LRP2BP: variants seen among roughly 807,000 people sequenced by gnomAD.
LRP2BP encodes LRP2 binding protein.
Under a neutral mutation model 45.2 loss-of-function variants are expected in LRP2BP, and 38 were observed. The observed-to-expected ratio is 0.84, with a 90% CI of 0.65 to 1.10. LRP2BP has a LOEUF of 1.10. Ranked by LOEUF, LRP2BP falls within the 50% of genes least tolerant of loss-of-function variation. The probability of loss-of-function intolerance (pLI) is 0.00; values close to 1 mark genes in which losing one functional copy is unlikely to be tolerated. For missense variants in LRP2BP, 385 were observed against 418.9 expected, an observed-to-expected ratio of 0.92 and a Z score of 0.71; for synonymous variants, 153 against 153.9, an observed-to-expected ratio of 0.99 and a Z score of 0.04.
chr4:185,370,841 G>C, intron 7 of LRP2BP, 27 bp from the exon 8 acceptor site: 1 of 1,611,902 alleles, frequency 6.2e-7, no homozygotes, highest in Middle Eastern at 1.7e-4. Context: ...TTGTGAAATG[G>C]AAAAGACATC....
upstream of LRP2BP, chr4:185,396,597 A>T (rs1436112425): frequency 9.3e-5 from 32 of 342,292 alleles, no homozygotes; most frequent in East Asian, 1.9e-3. Context: ...CCGAGGTGGG[A>T]GGGCCTGACG....
chr4:185,386,112 T>C (rs971465621), intron 1 of LRP2BP, among the ~76,000 whole-genome samples: 3 of 152,174 alleles, frequency 2.0e-5, no homozygotes, highest in Admixed American at 1.3e-4. Context: ...GTATCACCAT[T>C]ATTATGCAGT....
At chr4:185,371,542 A>C (rs937475052) in intron 7 of LRP2BP, among the ~76,000 whole-genome samples, 6 of 7,670 alleles carry the variant, frequency 7.8e-4, no homozygotes, top group South Asian at 5.3e-3. Context: ...ACTCCGTCTA[A>C]AAAAAAAAAA....
chr4:185,393,814 C>T (rs1241793464), intron 1 of LRP2BP, among the ~76,000 whole-genome samples: 1 of 152,176 alleles, frequency 6.6e-6, no homozygotes, highest in Non-Finnish European at 1.5e-5. Context: ...ACGTGAGCCA[C>T]CACCGCGCCT....
At chr4:185,376,661 T>C (rs1373214111) in intron 3 of LRP2BP, among the ~76,000 whole-genome samples, 1 of 152,112 alleles carries the variant, frequency 6.6e-6, no homozygotes, top group African/African-American at 2.4e-5. Flanking sequence ...TAATCTATAG[T>C]GTGAAATGGA....
intron 6 of LRP2BP, 60 bp from the exon 7 acceptor site, chr4:185,373,139 ATAC>A: frequency 6.9e-7 from 1 of 1,439,938 alleles, no homozygotes; most frequent in Non-Finnish European, 9.7e-7. Flanking sequence ...TTATAAGGGA[ATAC>A]TAGACAGAAA....
rs527739220 is a variant in LRP2BP at position 185,366,798 on chromosome 4, A to G, written c.*382T>C. 129 of 154,750 alleles carry G rather than the reference A, an allele frequency of 8.3e-4. No homozygotes were observed. The highest frequency in any genetic ancestry group is 1.5e-3 in the Non-Finnish European group (107 of 69,852). 9.6% of individuals were successfully genotyped at this position (154,750 alleles called of 1,614,324 possible). ...ACAAATTTAAAGAATTAAACTTTCA[A>G]ATGATGGTTTTAAATAAGTTTGTTT... On this transcript the variant is annotated 3_prime_UTR_variant, in exon 9 of 9. Coordinates refer to ENST00000505916, the MANE Select transcript of LRP2BP (RefSeq NM_001377440.1).
At position 185,375,631 on chromosome 4, in the gene LRP2BP, C is replaced by T. The variant is rs1366088307; in HGVS notation, c.312G>A (p.Leu104=). The stretch of plus-strand genomic sequence containing the variant: ...AACTTACAGCGTCTAGAGTGGTCCC[C>T]AGCCCATCATAGTACATCACTCCTA... The part of the protein sequence containing the change: ...YQLGVMYYDG[L]GTTLDAEKGV... Residue 104 remains leucine (L), a synonymous_variant, in exon 4 of 9, where the codon CTG becomes CTA. Coordinates refer to ENST00000505916, the MANE Select transcript of LRP2BP (RefSeq NM_001377440.1). 1 of 1,607,782 alleles carries T rather than the reference C, an allele frequency of 6.2e-7. No homozygotes were observed. Among genetic ancestry groups the T allele is most frequent in the African/African-American group, 1.4e-5 (1 of 74,032 alleles).
intron 1 of LRP2BP, 185 bp from the exon 2 acceptor site, chr4:185,378,392 G>T: frequency 7.3e-7 from 1 of 1,378,054 alleles, no homozygotes. Flanking sequence ...CTCCTCCCTA[G>T]CTGAGAGACA....
intron 1 of LRP2BP, among the ~76,000 whole-genome samples, chr4:185,379,659 G>A (rs2095449415): frequency 2.0e-5 from 3 of 152,162 alleles, no homozygotes; most frequent in Admixed American, 2.0e-4. Flanking sequence ...AGGCAGCGCC[G>A]ACAAAACTTT....
At chr4:185,391,645 C>T (rs1324468155) in intron 1 of LRP2BP, among the ~76,000 whole-genome samples, 1 of 152,150 alleles carries the variant, frequency 6.6e-6, no homozygotes, top group Admixed American at 6.5e-5. Flanking sequence ...GGGTCCCTTT[C>T]ACATGTCCTA....
chr4:185,392,083 T>C (rs1024877922), intron 1 of LRP2BP, among the ~76,000 whole-genome samples: 21 of 152,256 alleles, frequency 1.4e-4, no homozygotes, highest in African/African-American at 4.8e-4. Context: ...CCTCCATCAA[T>C]TGGTTTAATA....
At chr4:185,381,069 C>A (rs1203717096) in intron 1 of LRP2BP, among the ~76,000 whole-genome samples, 1 of 152,180 alleles carries the variant, frequency 6.6e-6, no homozygotes, top group African/African-American at 2.4e-5. Context: ...CTTACCAGCA[C>A]TTTGGAAGTC....
upstream of LRP2BP, chr4:185,397,027 G>A (rs943331001): frequency 3.7e-6 from 6 of 1,609,976 alleles, no homozygotes; most frequent in Admixed American, 1.7e-5. Flanking sequence ...CGTTAATGCG[G>A]GGACGGACCA....
At chr4:185,369,880 C>T (rs2095409202) in intron 8 of LRP2BP, 4 of 369,124 alleles carry the variant, frequency 1.1e-5, no homozygotes, top group Non-Finnish European at 2.1e-5. Flanking sequence ...GGAACCACTG[C>T]TGTAATATCA....
chr4:185,375,349 TGAAGGCTGAGGCA>T (rs2095429565), intron 4 of LRP2BP, among the ~76,000 whole-genome samples: 1 of 143,768 alleles, frequency 7.0e-6, no homozygotes, highest in African/African-American at 2.6e-5. Context: ...CCAGCTACTG[TGAAGGCTGAGGCA>T]GAAGAATCAC....
Position 185,374,480 on chromosome 4 carries a change from CA to C in LRP2BP, c.331-20del. On this transcript the variant is annotated intron_variant, in intron 4 of 8. Coordinates refer to ENST00000505916, the MANE Select transcript of LRP2BP (RefSeq NM_001377440.1). The stretch of plus-strand genomic sequence containing the variant: ...CTTTCTCCTTCGACAAAAGAAAGAG[CA>C]AAAAAACCCTAGTTTTTAGTTTTAC... 1.9e-6 allele frequency: 3 copies of C among 1,598,170 alleles called. No homozygotes were observed. The highest frequency in any genetic ancestry group is 1.7e-6 in the Non-Finnish European group (2 of 1,176,202).
At chr4:185,388,000 G>A (rs1004380758) in intron 1 of LRP2BP, among the ~76,000 whole-genome samples, 2 of 152,194 alleles carry the variant, frequency 1.3e-5, no homozygotes, top group Non-Finnish European at 2.9e-5. Context: ...GAAAAGCGAC[G>A]CAGTAGGCCG....
chr4:185,370,852 A>G (rs2095412372), intron 7 of LRP2BP, 38 bp from the exon 8 acceptor site: 2 of 1,604,532 alleles, frequency 1.2e-6, no homozygotes, highest in African/African-American at 1.3e-5. Flanking sequence ...AAAAGACATC[A>G]GTTATGGTAA....
Sources: gnomAD v4.1 joint callset for allele counts (sites outside exome capture counted in the v4.1 genomes callset) on GRCh38, gnomAD v4.1.1 for gene constraint, MANE v1.5 for transcripts, NCBI Gene and HGNC (gene_info 2026-07-23, HGNC 2026-07-21) for gene names.